BRCA2: variants seen among roughly 807,000 people sequenced by gnomAD.
The protein encoded by BRCA2 is breast cancer type 2 susceptibility protein.
BRCA2 carries 203 observed loss-of-function variants against 276.7 expected under a neutral mutation model. The ratio of observed to expected loss-of-function variants is 0.73; its 90% CI spans 0.65 to 0.82. The LOEUF (loss-of-function observed/expected upper bound fraction) is 0.82, where lower values mean the gene tolerates loss of function less well. BRCA2 is among the 40% of genes least tolerant of loss of function. The pLI, the probability that BRCA2 is intolerant of heterozygous loss-of-function variation, is 0.00. For synonymous variants in BRCA2, 1,289 were observed against 1,338.4 expected (o/e 0.96, Z 0.81); for missense variants, 3,920 against 3,915.0 (o/e 1.00, Z -0.03).
intron 24 of BRCA2, 65 bp downstream of exon 24, chr13:32,380,210 C>G (rs2137626261): frequency 2.0e-6 from 3 of 1,516,398 alleles, no homozygotes; most frequent in African/African-American, 1.4e-5. Flanking sequence ...TTTAAAATCT[C>G]TTATGATTAG....
In BRCA2 at chr13:32,339,139, A is replaced by C. The variant is rs786201184; in HGVS notation, c.4784A>C (p.Gln1595Pro). ...GCTGCCCCAAAGTGTAAAGAAATGC[A>C]GAATTCTCTCAATAATGATAAAAAC... The part of the protein sequence containing the change: ...ITAAPKCKEM[Q>P]NSLNNDKNLV... Residue 1595 changes from glutamine to proline, a missense_variant, in exon 11 of 27, where the codon CAG (glutamine) becomes CCG (proline). By Grantham distance (76) the Gln-to-Pro change is moderately conservative. Around this residue, in one of 2 missense-constraint regions of BRCA2, gnomAD observed 3,263 missense variants for 3,156.9 expected, o/e 1.03. Coordinates refer to ENST00000380152, the MANE Select transcript of BRCA2 (RefSeq NM_000059.4). 8 of 1,614,018 alleles carry C rather than the reference A, an allele frequency of 5.0e-6. No homozygotes were observed. Among genetic ancestry groups the C allele is most frequent in the Non-Finnish European group, 6.8e-6 (8 of 1,179,918 alleles).
chr13:32,339,983 AAAC>A lies in BRCA2; in HGVS notation c.5632_5634del (p.Asn1878del), dbSNP rs794727015. On this transcript the variant is annotated inframe_deletion, in exon 11 of 27. Transcript: ENST00000380152. ...ACAGTTTCAGTAAAGTAATTAAGGA[AAAC>A]AACGAGAATAAATCAAAAATTTGCC... The A allele has an allele frequency of 3.7e-6, 6 of 1,611,362 alleles. No individual in the cohort carries two copies. Among genetic ancestry groups the A allele is most frequent in the East Asian group, 2.2e-5 (1 of 44,854 alleles).
Position 32,347,225 on chromosome 13 carries a change from T to C in BRCA2, c.7007+329T>C, listed in dbSNP as rs11571682. Among the ~76,000 whole-genome samples the C allele has an allele frequency of 0.041, 6,231 of 152,206 alleles. 217 individuals carry two copies. The highest frequency in any genetic ancestry group is 0.11 in the South Asian group (550 of 4,816). ...AAAATATCCTTTTATCTCTCCTCTCTAAACCTTTAAAAAAGTACTAAGATA... is the reference window on the plus strand; with the variant it reads ...AAAATATCCTTTTATCTCTCCTCTCCAAACCTTTAAAAAAGTACTAAGATA... On this transcript the variant is annotated intron_variant, in intron 13 of 26. Transcript: ENST00000380152.
At chr13:32,333,926 C>T (rs149101845) in intron 10 of BRCA2, among the ~76,000 whole-genome samples, 12 of 152,312 alleles carry the variant, frequency 7.9e-5, no homozygotes, top group African/African-American at 2.9e-4. Flanking sequence ...CCAGCTCCAT[C>T]TGTGTCCCTG....
intron 2 of BRCA2, among the ~76,000 whole-genome samples, chr13:32,316,924 G>A (rs571084863): frequency 1.3e-5 from 2 of 152,218 alleles, no homozygotes; most frequent in African/African-American, 4.8e-5. Context: ...AAGGCTGGGC[G>A]TGGTGGCTCA....
At position 32,399,006 on chromosome 13, in the gene BRCA2, G is replaced by A; in HGVS notation, c.*236G>A. Reference sequence around the variant, plus strand: ...TAAATGTAATTTATTAACTAATCAAGAAAAACATCTTTGGCTGAGCTCGGT... The same window carrying A: ...TAAATGTAATTTATTAACTAATCAAAAAAAACATCTTTGGCTGAGCTCGGT... On this transcript the variant is annotated 3_prime_UTR_variant, in exon 27 of 27. Coordinates refer to ENST00000380152, the MANE Select transcript of BRCA2 (RefSeq NM_000059.4). 2.1e-6 allele frequency: 1 copy of A among 484,356 alleles called. No homozygotes were observed. Among genetic ancestry groups the A allele is most frequent in the Non-Finnish European group, 3.6e-6 (1 of 280,864 alleles). The allele number at this position is 484,356 out of a possible 1,614,324, so 30.0% of individuals were successfully genotyped here. A position where few individuals can be genotyped will look rare whatever the true frequency, so the allele number is the denominator to read the frequency against.
Position 32,398,178 on chromosome 13 carries a change from G to A in BRCA2, c.9665G>A (p.Cys3222Tyr), listed in dbSNP as rs2073049164. The A allele has an allele frequency of 6.2e-7, 1 of 1,609,850 alleles. No homozygotes were observed. Among genetic ancestry groups the A allele is most frequent in the Non-Finnish European group, 8.5e-7 (1 of 1,177,762 alleles). The change falls in exon 27 of 27, where the codon TGT (cysteine) becomes TAT (tyrosine). Residue 3222 changes from cysteine (C) to tyrosine (Y), a missense_variant. Physicochemically the swap from Cys to Tyr is radical, Grantham distance 194 (BLOSUM62 -2). This residue lies in a region of BRCA2 where 657 missense variants were observed against 758.2 expected (regional missense o/e 0.87). Transcript: ENST00000380152. ...GNKLLMSSPN[C>Y]EIYYQSPLSL... ...TTTTATCAGATGTCTTCTCCTAATT[G>A]TGAGATATATTATCAAAGTCCTTTA...
chr13:32,336,552 G>A lies in BRCA2; in HGVS notation c.2197G>A (p.Val733Ile), dbSNP rs876658303. The change falls in exon 11 of 27, where the codon GTC (valine) becomes ATC (isoleucine). Residue 733 changes from valine to isoleucine, a missense_variant. By Grantham distance (29) the Val-to-Ile change is conservative. This residue lies in a region of BRCA2 where 3,263 missense variants were observed against 3,156.9 expected (regional missense o/e 1.03). Transcript: ENST00000380152. ...AAAAGTTTCAGATATAAAAGAAGAG[G>A]TCTTGGCTGCAGCATGTCACCCAGT... ...SKKVSDIKEE[V>I]LAAACHPVQH... The A allele has an allele frequency of 6.2e-7, 1 of 1,614,056 alleles. No homozygotes were observed. The highest frequency in any genetic ancestry group is 2.2e-5 in the East Asian group (1 of 44,864).
chr13:32,369,137 C>T (rs1336346130), intron 18 of BRCA2, among the ~76,000 whole-genome samples: 2 of 151,980 alleles, frequency 1.3e-5, no homozygotes, highest in Non-Finnish European at 2.9e-5. Context: ...AGCATCTCAC[C>T]CCCACCCTGG....
chr13:32,326,403 A>C, intron 6 of BRCA2, 96 bp from the exon 7 acceptor site: 2 of 1,433,434 alleles, frequency 1.4e-6, no homozygotes, highest in Non-Finnish European at 2.0e-6. Context: ...CAGGCAATTC[A>C]GTAAACGTTA....
chr13:32,378,008 G>A (rs761756700), intron 21 of BRCA2, among the ~76,000 whole-genome samples: 28 of 152,142 alleles, frequency 1.8e-4, no homozygotes, highest in Non-Finnish European at 3.1e-4. Context: ...AAGTGAGTCC[G>A]GTTTTAAAAC....
intron 20 of BRCA2, among the ~76,000 whole-genome samples, chr13:32,373,262 C>CT (rs1367909302): frequency 1.3e-5 from 2 of 151,210 alleles, no homozygotes; most frequent in Admixed American, 6.6e-5. Flanking sequence ...AATCCCAGCA[C>CT]TTTGGGAGGC....
chr13:32,357,443 G>A (rs1205644642), intron 15 of BRCA2, among the ~76,000 whole-genome samples: 1 of 152,180 alleles, frequency 6.6e-6, no homozygotes, highest in East Asian at 1.9e-4. Flanking sequence ...TTGAACTTAA[G>A]AGATTTTGTA....
intron 12 of BRCA2, among the ~76,000 whole-genome samples, chr13:32,346,446 A>G (rs1457165563): frequency 6.6e-6 from 1 of 152,086 alleles, no homozygotes; most frequent in Non-Finnish European, 1.5e-5. Flanking sequence ...TAGTGGACTT[A>G]TTGAAGATTT....
At chr13:32,379,214 C>A in intron 21 of BRCA2, 103 bp from the exon 22 acceptor site, 2 of 1,061,974 alleles carry the variant, frequency 1.9e-6, no homozygotes, top group Non-Finnish European at 2.8e-6. Context: ...TTAAGATGAG[C>A]TCTAATTTTG....
At chr13:32,321,109 A>G (rs549736957) in intron 3 of BRCA2, among the ~76,000 whole-genome samples, 34 of 152,330 alleles carry the variant, frequency 2.2e-4, no homozygotes, top group Non-Finnish European at 3.8e-4. Context: ...ACATAAAACT[A>G]TAGGACCTTG....
At chr13:32,333,445 CTTCT>C in intron 10 of BRCA2, 58 bp downstream of exon 10, 8 of 1,545,888 alleles carry the variant, frequency 5.2e-6, no homozygotes, top group Non-Finnish European at 7.0e-6. Flanking sequence ...ATGACGATTC[CTTCT>C]GTGTTTTTTT....
chr13:32,378,397 G>A (rs1174631882), intron 21 of BRCA2, among the ~76,000 whole-genome samples: 1 of 152,190 alleles, frequency 6.6e-6, no homozygotes, highest in Non-Finnish European at 1.5e-5. Flanking sequence ...TGAGGAGAAC[G>A]TAGGCATCCA....
rs1566227924 is a variant in BRCA2 at position 32,337,524 on chromosome 13, A to C, written c.3169A>C (p.Lys1057Gln). 6.2e-7 allele frequency: 1 copy of C among 1,608,188 alleles called. No individual in the cohort carries two copies. The highest frequency in any genetic ancestry group is 8.5e-7 in the Non-Finnish European group (1 of 1,177,002). The change falls in exon 11 of 27, where the codon AAG (lysine) becomes CAG (glutamine). Residue 1057 changes from lysine to glutamine, a missense_variant. By Grantham distance (53) the Lys-to-Gln change is moderately conservative. Around this residue, in one of 2 missense-constraint regions of BRCA2, gnomAD observed 3,263 missense variants for 3,156.9 expected, o/e 1.03. Transcript: ENST00000380152. ...IVNTLALDNQ[K>Q]KLSKPQSINT... is the part of the protein sequence containing the mutation. The stretch of plus-strand genomic sequence containing the variant: ...AAATACCTTGGCATTAGATAATCAA[A>C]AGAAACTGAGCAAGCCTCAGTCAAT...
Sources: gnomAD v4.1 joint callset for allele counts (sites outside exome capture counted in the v4.1 genomes callset) on GRCh38, gnomAD v4.1.1 for gene constraint, gnomAD v4.1.1 regional missense constraint, MANE v1.5 for transcripts, NCBI Gene and HGNC (gene_info 2026-07-23, HGNC 2026-07-21) for gene names.